The following PLLP variants were observed in gnomAD, a reference collection of about 807,000 sequenced individuals.
PLLP encodes the protein plasma membrane proteolipid (plasmolipin).
In PLLP, 15 loss-of-function variants were observed where a neutral mutation model predicts 19.7. The ratio of observed to expected loss-of-function variants is 0.76; its 90% CI spans 0.51 to 1.17. The LOEUF is 1.17. Ranked by LOEUF, PLLP falls within the 50% of genes most tolerant of loss-of-function variation. PLLP has a pLI of 0.00. For missense variants in PLLP, 255 were observed against 258.3 expected, an observed-to-expected ratio of 0.99 and a Z score of 0.09; for synonymous variants, 111 against 116.3, an observed-to-expected ratio of 0.95 and a Z score of 0.29.
intron 1 of PLLP, among the ~76,000 whole-genome samples, chr16:57,276,697 T>C (rs548494784): frequency 8.5e-5 from 13 of 152,090 alleles, no homozygotes; most frequent in African/African-American, 3.1e-4. Flanking sequence ...TAAATCACCA[T>C]GTTGGGAGGC....
intron 1 of PLLP, among the ~76,000 whole-genome samples, chr16:57,262,934 G>C (rs1334716981): frequency 6.6e-6 from 1 of 151,994 alleles, no homozygotes; most frequent in Non-Finnish European, 1.5e-5. Flanking sequence ...CACCATCCAG[G>C]GCCATAATCG....
chr16:57,259,311 G>C (rs72778734), intron 2 of PLLP, among the ~76,000 whole-genome samples: 223 of 152,364 alleles, frequency 1.5e-3, no homozygotes, highest in Non-Finnish European at 2.7e-3. Context: ...TGGTACCACT[G>C]CAAGGTTTGG....
At chr16:57,279,719 C>A (rs1901196380) in intron 1 of PLLP, among the ~76,000 whole-genome samples, 1 of 151,702 alleles carries the variant, frequency 6.6e-6, no homozygotes, top group African/African-American at 2.4e-5. Context: ...GTCACCCAGG[C>A]TAGAGTGCAG....
chr16:57,258,552 G>A lies in PLLP; in HGVS notation c.342C>T (p.Leu114=), dbSNP rs1449387052. 1 of 1,613,488 alleles carries A rather than the reference G, an allele frequency of 6.2e-7. No individual in the cohort carries two copies. The highest frequency in any genetic ancestry group is 8.5e-7 in the Non-Finnish European group (1 of 1,179,930). The part of the protein sequence containing the change: ...LMIFNISATV[L]YITAFIACSA... ...AGCAGGCGATGAAGGCGGTGATGTA[G>A]AGAACGGTGGCGCTGATGTTAAAGA... The change falls in exon 3 of 4, where the codon CTC becomes CTT. Residue 114 remains leucine, a synonymous_variant. Coordinates refer to ENST00000219207, the MANE Select transcript of PLLP (RefSeq NM_015993.3).
intron 2 of PLLP, among the ~76,000 whole-genome samples, chr16:57,258,787 G>A (rs1567528623): frequency 1.3e-5 from 2 of 151,650 alleles, no homozygotes; most frequent in Admixed American, 1.3e-4. Context: ...CAGGCATGGT[G>A]GCGCATGCCT....
At chr16:57,272,798 C>A (rs1380466472) in intron 1 of PLLP, among the ~76,000 whole-genome samples, 1 of 151,942 alleles carries the variant, frequency 6.6e-6, no homozygotes, top group Non-Finnish European at 1.5e-5. Flanking sequence ...TACAAAAAAA[C>A]AAAAACAAAA....
At chr16:57,275,173 C>A (rs1901135420) in intron 1 of PLLP, among the ~76,000 whole-genome samples, 1 of 152,052 alleles carries the variant, frequency 6.6e-6, no homozygotes. Context: ...ACTTCTTCCA[C>A]ACAAATGATA....
chr16:57,264,639 G>A (rs1018850793), intron 1 of PLLP, among the ~76,000 whole-genome samples: 7 of 152,162 alleles, frequency 4.6e-5, no homozygotes, highest in East Asian at 3.9e-4. Context: ...GAGCCCAGGC[G>A]TTCAAGACCC....
chr16:57,272,497 T>C (rs529407863), intron 1 of PLLP, among the ~76,000 whole-genome samples: 1 of 152,340 alleles, frequency 6.6e-6, no homozygotes, highest in South Asian at 2.1e-4. Context: ...TAGAGCCTCA[T>C]CAGTCCCGTG....
intron 1 of PLLP, 65 bp from the exon 2 acceptor site, chr16:57,262,135 A>AT: frequency 6.6e-7 from 1 of 1,522,316 alleles, no homozygotes; most frequent in South Asian, 1.1e-5. Flanking sequence ...TAGCTAAGAA[A>AT]TACTGGCCAG....
In PLLP at chr16:57,256,677, T is replaced by G; in HGVS notation, c.*236A>C. ...AGATCCCCCGTCATCTTCCACTGAA[T>G]AAGGGGGATGGAGAAGAGGTCTCAG... On this transcript the variant is annotated 3_prime_UTR_variant, in exon 4 of 4. Transcript: ENST00000219207. The G allele has an allele frequency of 1.9e-6, 1 of 524,636 alleles. No individual in the cohort carries two copies. The highest frequency in any genetic ancestry group is 3.1e-5 in the East Asian group (1 of 32,342). The allele number at this position is 524,636 out of a possible 1,614,324, so 32.5% of individuals were successfully genotyped here.
intron 2 of PLLP, among the ~76,000 whole-genome samples, chr16:57,260,716 G>GTTTT (rs2075439392): frequency 1.3e-5 from 2 of 152,216 alleles, no homozygotes; most frequent in African/African-American, 4.8e-5. Context: ...GCAGCTTTCT[G>GTTTT]TGTGTCTGGC....
chr16:57,256,423 G>A lies in PLLP; in HGVS notation c.*490C>T, dbSNP rs2075425497. The A allele has an allele frequency of 1.8e-5, 4 of 216,902 alleles. No homozygotes were observed. Among genetic ancestry groups the A allele is most frequent in the Non-Finnish European group, 9.0e-6 (1 of 111,442 alleles). 13.4% of individuals were successfully genotyped at this position (216,902 alleles called of 1,614,324 possible). On this transcript the variant is annotated 3_prime_UTR_variant, in exon 4 of 4. Coordinates refer to ENST00000219207, the MANE Select transcript of PLLP (RefSeq NM_015993.3). ...CCACTTTTTACAGGTTGGCTCCAGG[G>A]AGAGGTTGGTTGAAACGGTGTTTAA...
chr16:57,269,727 T>C (rs2075468447), intron 1 of PLLP, among the ~76,000 whole-genome samples: 1 of 152,138 alleles, frequency 6.6e-6, no homozygotes, highest in Non-Finnish European at 1.5e-5. Flanking sequence ...TTTCTAATTT[T>C]TCAAGAGACA....
rs1343710798 is a variant in PLLP at position 57,256,664 on chromosome 16, ATCT to A, written c.*246_*248del. ...GAGACACAGCCTCAGATCCCCCGTCATCTTCCACTGAATAAGGGGGATGGAGAA... is the reference window on the plus strand; with the variant it reads ...GAGACACAGCCTCAGATCCCCCGTCATCCACTGAATAAGGGGGATGGAGAA... On this transcript the variant is annotated 3_prime_UTR_variant, in exon 4 of 4. Transcript: ENST00000219207. 1.0e-5 allele frequency: 5 copies of A among 487,296 alleles called. No individual in the cohort carries two copies. The highest frequency in any genetic ancestry group is 9.7e-5 in the African/African-American group (5 of 51,530). The allele number at this position is 487,296 out of a possible 1,614,324, so 30.2% of individuals were successfully genotyped here.
At position 57,261,933 on chromosome 16, in the gene PLLP, C is replaced by T; in HGVS notation, c.273G>A (p.Leu91=). The T allele has an allele frequency of 6.2e-7, 1 of 1,614,102 alleles. No homozygotes were observed. The highest frequency in any genetic ancestry group is 1.1e-5 in the South Asian group (1 of 91,068). The change falls in exon 2 of 4, where the codon CTG becomes CTA. Residue 91 remains leucine, a synonymous_variant. Transcript: ENST00000219207. ...IVLFNLYLFQ[L]HMKLYMVPWP... ...AGGGAACCATGTACAACTTCATGTG[C>T]AGCTGAAACAGGTAGAGGTTGAAGA... is the stretch of plus-strand genomic sequence containing the variant.
chr16:57,279,135 G>A (rs1322849436), intron 1 of PLLP, among the ~76,000 whole-genome samples: 1 of 152,114 alleles, frequency 6.6e-6, no homozygotes, highest in African/African-American at 2.4e-5. Context: ...ATAGTGCTAG[G>A]CTAGCTCTTT....
intron 1 of PLLP, among the ~76,000 whole-genome samples, chr16:57,267,490 C>A (rs1859587944): frequency 6.6e-6 from 1 of 152,094 alleles, no homozygotes; most frequent in African/African-American, 2.4e-5. Context: ...TCACTTTGAA[C>A]TCAGGAGGCA....
chr16:57,269,442 C>T (rs534680654), intron 1 of PLLP, among the ~76,000 whole-genome samples: 6 of 152,310 alleles, frequency 3.9e-5, no homozygotes, highest in African/African-American at 1.4e-4. Context: ...GACACCTGCT[C>T]ACCTCACAGG....
Sources: gnomAD v4.1 joint callset for allele counts (sites outside exome capture counted in the v4.1 genomes callset) on GRCh38, gnomAD v4.1.1 for gene constraint, MANE v1.5 for transcripts, NCBI Gene and HGNC (gene_info 2026-07-23, HGNC 2026-07-21) for gene names.